The following EYS variants were observed in gnomAD, a reference collection of about 807,000 sequenced individuals.
The protein encoded by EYS is protein eyes shut homolog.
Under a neutral mutation model 282.1 loss-of-function variants are expected in EYS, and 250 were observed. The ratio of observed to expected loss-of-function variants is 0.89; its 90% CI spans 0.80 to 0.98. EYS has a LOEUF of 0.98. Among genes scored for constraint, EYS ranks in the 50% least tolerant of loss-of-function variants. The pLI is 0.00. For missense variants in EYS, 4,016 were observed against 3,709.0 expected (o/e 1.08, Z -2.15); for synonymous variants, 1,355 against 1,282.9 (o/e 1.06, Z -1.20).
chr6:63,813,046 T>A (rs964546843), intron 36 of EYS, among the ~76,000 whole-genome samples: 27 of 152,198 alleles, frequency 1.8e-4, no homozygotes, highest in African/African-American at 6.5e-4. Context: ...TGGTGCAATC[T>A]TGGCTCACTG....
At chr6:65,686,080 T>C (rs1238714199) in intron 1 of EYS, among the ~76,000 whole-genome samples, 1 of 152,054 alleles carries the variant, frequency 6.6e-6, no homozygotes, top group Non-Finnish European at 1.5e-5. Context: ...TAAGATCATG[T>C]TCTTCCCAGT....
intron 16 of EYS, among the ~76,000 whole-genome samples, chr6:64,909,270 A>G (rs1318626966): frequency 6.6e-6 from 1 of 152,154 alleles, no homozygotes; most frequent in Non-Finnish European, 1.5e-5. Context: ...ATAGATATGT[A>G]TTTGTGTATG....
chr6:65,270,992 T>C (rs1767883541), intron 12 of EYS, among the ~76,000 whole-genome samples: 1 of 151,634 alleles, frequency 6.6e-6, no homozygotes, highest in Non-Finnish European at 1.5e-5. Context: ...TCTTCTAGCA[T>C]ATACTTCTTT....
intron 22 of EYS, among the ~76,000 whole-genome samples, chr6:64,788,514 A>C (rs1774088797): frequency 6.6e-6 from 1 of 152,128 alleles, no homozygotes; most frequent in African/African-American, 2.4e-5. Context: ...TTAGGTGTTC[A>C]TGTGTATGTT....
intron 1 of EYS, among the ~76,000 whole-genome samples, chr6:65,682,693 T>G (rs1487590411): frequency 6.6e-6 from 1 of 151,860 alleles, no homozygotes; most frequent in Non-Finnish European, 1.5e-5. Flanking sequence ...GCTAAATAAT[T>G]TTCTAGTTGT....
chr6:64,942,187 G>T (rs1166114935), intron 15 of EYS, among the ~76,000 whole-genome samples: 3 of 150,958 alleles, frequency 2.0e-5, no homozygotes, highest in African/African-American at 7.3e-5. Context: ...TTGCGGTTTT[G>T]ATTTGGATTT....
At chr6:64,608,508 G>A (rs1767004826) in intron 24 of EYS, among the ~76,000 whole-genome samples, 1 of 152,156 alleles carries the variant, frequency 6.6e-6, no homozygotes, top group Non-Finnish European at 1.5e-5. Context: ...AAACAGTTGG[G>A]CAGTTTCTAA....
intron 30 of EYS, among the ~76,000 whole-genome samples, chr6:64,290,483 G>C (rs1318271785): frequency 6.6e-6 from 1 of 152,116 alleles, no homozygotes; most frequent in Middle Eastern, 3.2e-3. Flanking sequence ...GCCTACATTA[G>C]TTTGTATAAT....
At chr6:64,815,181 GT>G (rs1764711393) in intron 21 of EYS, 1 of 438,180 alleles carries the variant, frequency 2.3e-6, no homozygotes, top group Admixed American at 2.6e-5. Flanking sequence ...AACTAAGTAT[GT>G]TTTTATAAAC....
rs1554214453 is a variant in EYS at position 64,886,713 on chromosome 6, A to T, written c.2976T>A (p.Cys992Ter). The T allele has an allele frequency of 6.5e-7, 1 of 1,545,712 alleles. No homozygotes were observed. Among genetic ancestry groups the T allele is most frequent in the Non-Finnish European group, 8.7e-7 (1 of 1,143,922 alleles). Residue 992 changes from cysteine to a stop codon, truncating the protein, a stop_gained, in exon 19 of 43, where the codon TGT becomes TGA. Transcript: ENST00000503581. LOFTEE classifies it high-confidence loss of function. ...TGGATTTACCTGTATAACCAGGGGC[A>T]CAGAGGCAGTTGTATCCATCAGTCC... ...VYRTDGYNCLCAPGYTGINCE... is the reference protein window; with the variant it reads ...VYRTDGYNCL
At chr6:64,493,693 C>G (rs1362264155) in intron 26 of EYS, among the ~76,000 whole-genome samples, 1 of 151,482 alleles carries the variant, frequency 6.6e-6, no homozygotes, top group Non-Finnish European at 1.5e-5. Flanking sequence ...TACATGTGCA[C>G]AACGTGCAGG....
chr6:64,243,248 A>T (rs572222173), intron 30 of EYS, among the ~76,000 whole-genome samples: 36 of 152,154 alleles, frequency 2.4e-4, no homozygotes, highest in South Asian at 2.3e-3. Flanking sequence ...TCATACCCAG[A>T]TTATAACTAT....
rs552718017 is a variant in EYS at position 64,436,647 on chromosome 6, G to A, written c.5836-382C>T. ...AAAGAATGGTTAATACAATCTAGAG[G>A]GCAATATTAATGTCACAGGAAGGCA... On this transcript the variant is annotated intron_variant, in intron 27 of 42. Coordinates refer to ENST00000503581, the MANE Select transcript of EYS (RefSeq NM_001142800.2). Among the ~76,000 whole-genome samples the A allele has an allele frequency of 2.0e-5, 3 of 151,836 alleles. No individual in the cohort carries two copies. The East Asian group carries it at 5.8e-4, about 29-fold the overall frequency.
chr6:64,360,029 T>A (rs1771953967), intron 29 of EYS, among the ~76,000 whole-genome samples: 1 of 151,752 alleles, frequency 6.6e-6, no homozygotes, highest in South Asian at 2.1e-4. Flanking sequence ...AGTTTCTTCA[T>A]AATATGGGCA....
chr6:64,428,708 G>A (rs139302355), intron 28 of EYS, among the ~76,000 whole-genome samples: 2 of 152,206 alleles, frequency 1.3e-5, no homozygotes, highest in Non-Finnish European at 2.9e-5. Context: ...GCATTTGGCA[G>A]AAATAAGCCA....
intron 31 of EYS, among the ~76,000 whole-genome samples, chr6:64,177,668 G>T (rs928830005): frequency 1.3e-5 from 2 of 152,116 alleles, no homozygotes; most frequent in Non-Finnish European, 2.9e-5. Flanking sequence ...GAGAGGTGCT[G>T]TAAGAGCCCT....
At chr6:64,653,299 A>G (rs746700173) in intron 22 of EYS, among the ~76,000 whole-genome samples, 1 of 152,178 alleles carries the variant, frequency 6.6e-6, no homozygotes, top group African/African-American at 2.4e-5. Flanking sequence ...GCACCAAACT[A>G]TGAAACAATA....
chr6:63,735,026 C>A (rs1324153632), intron 41 of EYS, among the ~76,000 whole-genome samples: 1 of 151,934 alleles, frequency 6.6e-6, no homozygotes, highest in Non-Finnish European at 1.5e-5. Flanking sequence ...CTCAAAAATA[C>A]AAAAGAATTG....
At chr6:65,139,679 C>T (rs1416728250) in intron 12 of EYS, among the ~76,000 whole-genome samples, 1 of 152,026 alleles carries the variant, frequency 6.6e-6, no homozygotes, top group African/African-American at 2.4e-5. Flanking sequence ...GGAAATGATG[C>T]ACTCCTCCCG....
Sources: gnomAD v4.1 joint callset for allele counts (sites outside exome capture counted in the v4.1 genomes callset) on GRCh38, gnomAD v4.1.1 for gene constraint, MANE v1.5 for transcripts, NCBI Gene and HGNC (gene_info 2026-07-23, HGNC 2026-07-21) for gene names.